Variants in AFF3 observed in about 807,000 individuals in gnomAD.
AFF3 encodes AF4/FMR2 family member 3.
AFF3 carries 32 observed loss-of-function variants against 129.7 expected under a neutral mutation model. That is an observed-to-expected ratio of 0.25 (90% confidence interval 0.19 to 0.33). The LOEUF is 0.33. AFF3 is among the 10% of genes least tolerant of loss of function. AFF3 has a pLI of 1.00. For missense variants in AFF3, 1,373 were observed against 1,592.0 expected, an observed-to-expected ratio of 0.86 and a Z score of 2.34; for synonymous variants, 644 against 635.4, an observed-to-expected ratio of 1.01 and a Z score of -0.20.
chr2:99,701,291 C>T lies in AFF3; in HGVS notation c.1091+25786G>A, dbSNP rs1676836931. Among the ~76,000 whole-genome samples the T allele has an allele frequency of 2.6e-5, 4 of 151,144 alleles. No individual in the cohort carries two copies. The South Asian group carries it at 8.3e-4, about 31-fold the overall frequency. ...GTGCAGACAGAAAAAGCAAGGGCCT[C>T]CTAATGCCCAGGAAGCAAAAAGGAA... On this transcript the variant is annotated intron_variant, in intron 11 of 24. Coordinates refer to ENST00000672756, the MANE Select transcript of AFF3 (RefSeq NM_001386135.1).
At chr2:100,002,543 C>G (rs555126248) in intron 7 of AFF3, among the ~76,000 whole-genome samples, 10 of 152,148 alleles carry the variant, frequency 6.6e-5, no homozygotes, top group Non-Finnish European at 1.2e-4. Context: ...TAAATGGTTT[C>G]TCTGTTCTTA....
intron 4 of AFF3, among the ~76,000 whole-genome samples, chr2:100,032,442 G>A (rs1330467292): frequency 2.1e-5 from 3 of 144,280 alleles, no homozygotes; most frequent in Non-Finnish European, 4.6e-5. Flanking sequence ...AAAAAAAAAA[G>A]TATGCCCAAG....
At chr2:99,596,602 C>T (rs1378260457) in intron 14 of AFF3, among the ~76,000 whole-genome samples, 1 of 149,610 alleles carries the variant, frequency 6.7e-6, no homozygotes, top group Non-Finnish European at 1.5e-5. Flanking sequence ...ACACCCCTCA[C>T]ACTGGCCCCG....
intron 12 of AFF3, among the ~76,000 whole-genome samples, chr2:99,658,445 C>T (rs532333647): frequency 1.2e-4 from 18 of 152,084 alleles, no homozygotes; most frequent in Admixed American, 7.9e-4. Flanking sequence ...GCCAGATTCT[C>T]GGGGCAACTC....
intron 11 of AFF3, among the ~76,000 whole-genome samples, chr2:99,708,721 GA>G (rs1677633846): frequency 1.3e-5 from 2 of 152,084 alleles, no homozygotes; most frequent in Non-Finnish European, 2.9e-5. Flanking sequence ...TGGGCATTTT[GA>G]AAGGGCAGAT....
At chr2:100,039,638 G>C (rs113913925) in intron 4 of AFF3, among the ~76,000 whole-genome samples, 1 of 152,016 alleles carries the variant, frequency 6.6e-6, no homozygotes, top group Admixed American at 6.5e-5. Flanking sequence ...AATCTTCTGC[G>C]TGGGTCCATA....
At chr2:99,824,113 T>C (rs1455549537) in intron 8 of AFF3, among the ~76,000 whole-genome samples, 1 of 151,832 alleles carries the variant, frequency 6.6e-6, no homozygotes, top group African/African-American at 2.4e-5. Flanking sequence ...AAAAAGAATA[T>C]AAAATCCTTT....
intron 10 of AFF3, among the ~76,000 whole-genome samples, chr2:99,740,874 C>A (rs1558804637): frequency 6.6e-6 from 1 of 152,162 alleles, no homozygotes; most frequent in Non-Finnish European, 1.5e-5. Context: ...GAAGTCCTTG[C>A]CAATGCCTAT....
At chr2:99,851,071 G>C (rs1690107556) in intron 7 of AFF3, among the ~76,000 whole-genome samples, 1 of 152,190 alleles carries the variant, frequency 6.6e-6, no homozygotes, top group African/African-American at 2.4e-5. Context: ...AGATTCATTT[G>C]CTCAGAGAGA....
intron 2 of AFF3, chr2:100,110,193 C>T (rs1395880491): frequency 3.3e-5 from 5 of 152,094 alleles, no homozygotes. Context: ...TTCAGTTGTT[C>T]TTCCTGAGCA....
intron 11 of AFF3, among the ~76,000 whole-genome samples, chr2:99,706,725 T>C (rs753261444): frequency 6.6e-5 from 10 of 152,180 alleles, no homozygotes; most frequent in Non-Finnish European, 1.5e-4. Context: ...CTTGCACCAT[T>C]AGGCCGATTT....
intron 7 of AFF3, among the ~76,000 whole-genome samples, chr2:99,974,013 A>G (rs1400340654): frequency 6.6e-6 from 1 of 152,240 alleles, no homozygotes; most frequent in Non-Finnish European, 1.5e-5. Context: ...TAACTTCCAA[A>G]GAACAATTTC....
At chr2:99,620,722 G>T (rs1681914959) in intron 13 of AFF3, among the ~76,000 whole-genome samples, 1 of 152,208 alleles carries the variant, frequency 6.6e-6, no homozygotes, top group East Asian at 1.9e-4. Context: ...TGGAGGTGGG[G>T]CCTAGTGGGA....
chr2:99,725,401 T>A (rs1392505412), intron 11 of AFF3, among the ~76,000 whole-genome samples: 1 of 152,228 alleles, frequency 6.6e-6, no homozygotes, highest in African/African-American at 2.4e-5. Flanking sequence ...TCACCCAGGC[T>A]GGAGCACAGT....
chr2:99,901,449 T>A (rs964300888), intron 7 of AFF3, among the ~76,000 whole-genome samples: 4 of 152,174 alleles, frequency 2.6e-5, no homozygotes, highest in African/African-American at 7.2e-5. Flanking sequence ...CCCTCCTCTC[T>A]CTTCACAGCC....
rs372066996 is a variant in AFF3, at chr2:99,705,798, C to T, written c.1091+21279G>A. Among the ~76,000 whole-genome samples, 20 of 145,258 alleles carry T rather than the reference C, an allele frequency of 1.4e-4. 1 individual carries two copies. In the South Asian group the frequency reaches 1.8e-3, roughly 13 times the overall value. ...CTGAGGCAGGAGGATCACTTGAACC[C>T]AGGAGGCGGAGGTTGCAGTGAGCCG... On this transcript the variant is annotated intron_variant, in intron 11 of 24. Transcript: ENST00000672756.
At chr2:99,839,317 C>A (rs909730342) in intron 7 of AFF3, among the ~76,000 whole-genome samples, 3 of 152,098 alleles carry the variant, frequency 2.0e-5, no homozygotes, top group Non-Finnish European at 2.9e-5. Flanking sequence ...ACCATCTTGG[C>A]CAGGCTGGTC....
intron 10 of AFF3, among the ~76,000 whole-genome samples, chr2:99,734,141 C>T (rs951897169): frequency 6.6e-6 from 1 of 152,174 alleles, no homozygotes; most frequent in Non-Finnish European, 1.5e-5. Context: ...GGTCTTAACA[C>T]ATCTCTTGAC....
chr2:99,915,462 C>T (rs373182616), intron 7 of AFF3, among the ~76,000 whole-genome samples: 3 of 151,928 alleles, frequency 2.0e-5, no homozygotes, highest in Non-Finnish European at 2.9e-5. Flanking sequence ...ATGATCTCTG[C>T]GGTGGAGAAA....
Sources: allele counts gnomAD v4.1 joint callset (sites outside exome capture counted in the v4.1 genomes callset), GRCh38; gene constraint gnomAD v4.1.1; transcripts MANE v1.5; gene names NCBI Gene and HGNC (gene_info 2026-07-23, HGNC 2026-07-21).